Variants in APOO observed in about 807,000 individuals in gnomAD.
APOO encodes the protein MICOS complex subunit MIC26.
Under a neutral mutation model 23.1 loss-of-function variants are expected in APOO, and 11 were observed. The ratio of observed to expected loss-of-function variants is 0.48; its 90% CI spans 0.30 to 0.79. The LOEUF is 0.79. Among genes scored for constraint, APOO ranks in the 30% least tolerant of loss-of-function variants. APOO has a pLI of 0.07. For missense variants in APOO, 160 were observed against 142.7 expected, an observed-to-expected ratio of 1.12 and a Z score of -0.62; for synonymous variants, 59 against 54.8, an observed-to-expected ratio of 1.08 and a Z score of -0.34.
chrX:23,897,991 T>C (rs1926973497), intron 1 of APOO, among the ~76,000 whole-genome samples: 1 of 92,658 alleles, frequency 1.1e-5, no homozygotes. Context: ...CATGATTCTG[T>C]CTCAAAAAAA....
chrX:23,846,827 G>A (rs1196027833), intron 7 of APOO, among the ~76,000 whole-genome samples: 3 of 110,406 alleles, frequency 2.7e-5, no homozygotes, highest in Non-Finnish European at 5.7e-5. Flanking sequence ...AGCTCCTAGA[G>A]TCAAAGAGTG....
chrX:23,877,948 G>A (rs758232176), intron 3 of APOO, among the ~76,000 whole-genome samples: 3 of 111,622 alleles, frequency 2.7e-5, no homozygotes, highest in Non-Finnish European at 5.6e-5. Flanking sequence ...GATTGTAAAC[G>A]TTGGTTACTG....
chrX:23,858,137 G>T (rs181375100), intron 6 of APOO, among the ~76,000 whole-genome samples: 1 of 110,888 alleles, frequency 9.0e-6, no homozygotes, highest in African/African-American at 3.3e-5. Flanking sequence ...TCAAGGATAA[G>T]AAAGGAGCAG....
chrX:23,851,981 T>C (rs1924558993), intron 7 of APOO, among the ~76,000 whole-genome samples: 1 of 112,105 alleles, frequency 8.9e-6, no homozygotes, highest in Admixed American at 9.5e-5. Context: ...TGGAGTGCAG[T>C]GGCACGATCT....
intron 5 of APOO, among the ~76,000 whole-genome samples, chrX:23,867,046 G>T (rs192486621): frequency 2.5e-4 from 28 of 110,600 alleles, no homozygotes; most frequent in Non-Finnish European, 5.7e-5. Flanking sequence ...GGTGCAGTGA[G>T]CCGAGATTGT....
intron 1 of APOO, chrX:23,883,983 T>C (rs756421136): frequency 1.0e-3 from 115 of 112,021 alleles, no homozygotes; most frequent in Non-Finnish European, 1.8e-3. Flanking sequence ...TAGGACATTA[T>C]AGACAGAGGA....
intron 1 of APOO, among the ~76,000 whole-genome samples, chrX:23,900,732 T>A (rs1177662755): frequency 9.7e-6 from 1 of 102,587 alleles, no homozygotes; most frequent in African/African-American, 3.6e-5. Context: ...GAAACACAAC[T>A]AGAACCTGAG....
intron 8 of APOO, among the ~76,000 whole-genome samples, 188 bp from the exon 9 acceptor site, chrX:23,833,800 G>T (rs1400311579): frequency 1.8e-5 from 2 of 110,662 alleles, no homozygotes; most frequent in Non-Finnish European, 3.8e-5. Flanking sequence ...TGCCCAACAT[G>T]GTGAAACCCC....
intron 5 of APOO, among the ~76,000 whole-genome samples, chrX:23,860,547 C>T (rs750694799): frequency 9.0e-4 from 99 of 109,458 alleles, no homozygotes; most frequent in Admixed American, 2.7e-3. Context: ...GGGCCTCACT[C>T]GGTCTCCCAG....
intron 5 of APOO, among the ~76,000 whole-genome samples, chrX:23,863,474 G>C (rs1375589383): frequency 8.9e-6 from 1 of 111,864 alleles, no homozygotes; most frequent in Non-Finnish European, 1.9e-5. Flanking sequence ...ATCCAGAATG[G>C]CTACTGACTC....
intron 6 of APOO, among the ~76,000 whole-genome samples, chrX:23,858,343 G>A (rs1229925804): frequency 9.0e-6 from 1 of 111,137 alleles, no homozygotes; most frequent in Non-Finnish European, 1.9e-5. Context: ...TTTGGAATTT[G>A]AGTCTCTAGA....
At chrX:23,851,278 C>G (rs1924524935) in intron 7 of APOO, among the ~76,000 whole-genome samples, 1 of 110,351 alleles carries the variant, frequency 9.1e-6, no homozygotes, top group African/African-American at 3.3e-5. Context: ...ACTGTAACCT[C>G]CACCTCCCAG....
At chrX:23,873,411 A>G (rs1925706242) in intron 4 of APOO, among the ~76,000 whole-genome samples, 1 of 111,481 alleles carries the variant, frequency 9.0e-6, no homozygotes, top group African/African-American at 3.3e-5. Context: ...GTTTGAGACC[A>G]GCCCGGCTAA....
chrX:23,839,113 G>C (rs147038331), intron 8 of APOO, among the ~76,000 whole-genome samples: 1,809 of 112,111 alleles, frequency 0.016, 21 homozygotes, highest in Middle Eastern at 0.032. Context: ...CAGAGATACT[G>C]ATTCTGGGGT....
At chrX:23,875,384 G>T (rs1301094377) in intron 3 of APOO, among the ~76,000 whole-genome samples, 1 of 108,588 alleles carries the variant, frequency 9.2e-6, no homozygotes, top group African/African-American at 3.3e-5. Flanking sequence ...TTGCCATTTG[G>T]GAAAGGATTT....
chrX:23,898,548 A>C (rs1461305704), intron 1 of APOO, among the ~76,000 whole-genome samples: 1 of 111,987 alleles, frequency 8.9e-6, no homozygotes, highest in Non-Finnish European at 1.9e-5. Flanking sequence ...TGGAAAAAAA[A>C]AATCATGTAC....
chrX:23,840,120 C>A, intron 8 of APOO, 193 bp downstream of exon 8: 2 of 283,473 alleles, frequency 7.1e-6, no homozygotes, highest in South Asian at 1.4e-4. Context: ...TCTAAAAAAC[C>A]CAGGTAACAT....
At chrX:23,850,021 A>G (rs760917742) in intron 7 of APOO, among the ~76,000 whole-genome samples, 36 of 112,388 alleles carry the variant, frequency 3.2e-4, no homozygotes, top group Middle Eastern at 4.6e-3. Flanking sequence ...TCCTGAGTAC[A>G]ATAACGGTAT....
chrX:23,878,044 A>G (rs1290053914), intron 3 of APOO, among the ~76,000 whole-genome samples: 1 of 111,921 alleles, frequency 8.9e-6, no homozygotes, highest in East Asian at 2.8e-4. Context: ...ACCAATCTGT[A>G]TATGTAGTTC....
Sources: allele counts gnomAD v4.1 joint callset (sites outside exome capture counted in the v4.1 genomes callset), GRCh38; gene constraint gnomAD v4.1.1; transcripts MANE v1.5; gene names NCBI Gene and HGNC (gene_info 2026-07-23, HGNC 2026-07-21).